Variants in EVC2 observed in about 807,000 individuals in gnomAD.
The protein encoded by EVC2 is EvC ciliary complex subunit 2, also known as limbin.
EVC2 carries 148 observed loss-of-function variants against 149.3 expected under a neutral mutation model. That is an observed-to-expected ratio of 0.99 (90% CI 0.87 to 1.14). The LOEUF (loss-of-function observed/expected upper bound fraction) is 1.14, where lower values mean the gene tolerates loss of function less well. EVC2 is among the 50% of genes most tolerant of loss of function. EVC2 has a pLI of 0.00. For missense variants in EVC2, 1,854 were observed against 1,627.3 expected (o/e 1.14, Z -2.40); for synonymous variants, 776 against 649.9 (o/e 1.19, Z -2.95).
intron 9 of EVC2, among the ~76,000 whole-genome samples, chr4:5,652,179 T>A (rs1242749708): frequency 6.6e-6 from 1 of 152,012 alleles, no homozygotes; most frequent in African/African-American, 2.4e-5. Flanking sequence ...AAGAAAGAAA[T>A]AGCAATGGCT....
intron 16 of EVC2, among the ~76,000 whole-genome samples, chr4:5,609,713 T>C (rs935260353): frequency 6.6e-6 from 1 of 152,192 alleles, no homozygotes; most frequent in Non-Finnish European, 1.5e-5. Context: ...CACCCTGCAT[T>C]GTGAAACCAT....
intron 6 of EVC2, 126 bp from the exon 7 acceptor site, chr4:5,681,439 A>G: frequency 1.0e-6 from 1 of 956,320 alleles, no homozygotes; most frequent in Non-Finnish European, 1.6e-6. Flanking sequence ...TGCACAGGTC[A>G]GAGCTTGTGA....
intron 9 of EVC2, among the ~76,000 whole-genome samples, chr4:5,649,817 T>A (rs1401862584): frequency 6.6e-6 from 1 of 152,202 alleles, no homozygotes; most frequent in East Asian, 1.9e-4. Context: ...CAGATAATAC[T>A]GCAAGATTCC....
chr4:5,582,284 C>A (rs1711864361), intron 17 of EVC2, among the ~76,000 whole-genome samples: 1 of 152,218 alleles, frequency 6.6e-6, no homozygotes, highest in Admixed American at 6.5e-5. Context: ...GGGCTAAATC[C>A]TCCAAAGTCA....
intron 9 of EVC2, among the ~76,000 whole-genome samples, chr4:5,648,002 C>T (rs998299941): frequency 1.3e-5 from 2 of 152,230 alleles, no homozygotes; most frequent in South Asian, 2.1e-4. Flanking sequence ...AGGAAGGGAA[C>T]GTCCCCTAAA....
Position 5,618,549 on chromosome 4 carries a change from G to T in EVC2, c.2635C>A (p.Gln879Lys). 1 of 1,614,162 alleles carries T rather than the reference G, an allele frequency of 6.2e-7. No homozygotes were observed. The highest frequency in any genetic ancestry group is 1.7e-5 in the Admixed American group (1 of 60,030). Residue 879 changes from glutamine (Q) to lysine (K), a missense_variant, in exon 15 of 22, where the codon CAA (glutamine) becomes AAA (lysine). Coordinates refer to ENST00000344408, the MANE Select transcript of EVC2 (RefSeq NM_147127.5). This position sits in a 1 kb window ranked among gnomAD's most constrained non-coding sequence, Gnocchi z 4.4. ...GCTTCTCGCCACGCAGTCTGAAATT[G>T]CTGCAGCAGAACTCGGGCCCGGATC... ...PKIRARVLLQ[Q>K]FQTAWREAEF...
rs1193563140 is a variant in EVC2, at chr4:5,576,447, T to G, written c.3065A>C (p.Gln1022Pro). ...QILESHSREL[Q>P]ELERKLEDQL... ...GTCCTCCAGCTTCCTCTCCAACTCC[T>G]GGAGCTCCTACACAAGGAAGGGGCA... Residue 1022 changes from glutamine (Q) to proline (P), a missense_variant, in exon 18 of 22, where the codon CAG becomes CCG. By Grantham distance (76) the Gln-to-Pro change is moderately conservative (BLOSUM62 -1). Coordinates refer to ENST00000344408, the MANE Select transcript of EVC2 (RefSeq NM_147127.5). The surrounding 1 kb of genome is among the most constrained non-coding windows in gnomAD (Gnocchi z 4.5). 6.3e-7 allele frequency: 1 copy of G among 1,595,878 alleles called. No individual in the cohort carries two copies. The highest frequency in any genetic ancestry group is 1.1e-5 in the South Asian group (1 of 89,220).
At chr4:5,649,420 AC>A (rs1354731721) in intron 9 of EVC2, among the ~76,000 whole-genome samples, 2 of 152,230 alleles carry the variant, frequency 1.3e-5, no homozygotes, top group Non-Finnish European at 2.9e-5. Flanking sequence ...GGGAAACAGT[AC>A]CGCTTAAATT....
chr4:5,588,866 T>C (rs969818453), intron 16 of EVC2, among the ~76,000 whole-genome samples: 6 of 152,200 alleles, frequency 3.9e-5, no homozygotes, highest in Non-Finnish European at 8.8e-5. Flanking sequence ...GTGTGAAAAA[T>C]CAGAACTTGG....
At position 5,637,611 on chromosome 4, in the gene EVC2, T is replaced by G. The variant is rs1196498610; in HGVS notation, c.1470+2903A>C. Among the ~76,000 whole-genome samples, 1 of 152,182 alleles carries G rather than the reference T, an allele frequency of 6.6e-6. No individual in the cohort carries two copies. The highest frequency in any genetic ancestry group is 2.4e-5 in the African/African-American group (1 of 41,440). Reference sequence around the variant, plus strand: ...AGTGAAAATAAGACATATATACAACTATACAAACTGCATAATCCTTACTTT... The same window carrying G: ...AGTGAAAATAAGACATATATACAACGATACAAACTGCATAATCCTTACTTT... On this transcript the variant is annotated intron_variant, in intron 10 of 21. Transcript: ENST00000344408. The surrounding 1 kb of genome is among the most constrained non-coding windows in gnomAD (Gnocchi z 4.4).
intron 9 of EVC2, among the ~76,000 whole-genome samples, chr4:5,653,783 G>A (rs927862758): frequency 1.3e-5 from 2 of 152,182 alleles, no homozygotes; most frequent in Admixed American, 6.5e-5. Flanking sequence ...ATCTAAAACT[G>A]TTCTAAAAAA....
chr4:5,564,478 A>G (rs1355800978), intron 21 of EVC2, among the ~76,000 whole-genome samples: 1 of 152,224 alleles, frequency 6.6e-6, no homozygotes, highest in Non-Finnish European at 1.5e-5. Flanking sequence ...GCGCTTTATC[A>G]TGAGTAATCT....
At chr4:5,644,085 A>G (rs1398581828) in intron 9 of EVC2, among the ~76,000 whole-genome samples, 1 of 152,028 alleles carries the variant, frequency 6.6e-6, no homozygotes, top group Non-Finnish European at 1.5e-5. Flanking sequence ...TTCCTTCTAC[A>G]GCATTGATGT....
chr4:5,567,177 G>A lies in EVC2; in HGVS notation c.3557+1267C>T, dbSNP rs1722337187. ...CCCCCTAACATGCAGCCAGCCCTCT[G>A]ACTGCGGTCCACAACCCACTTCCTG... On this transcript the variant is annotated intron_variant, in intron 20 of 21. Coordinates refer to ENST00000344408, the MANE Select transcript of EVC2 (RefSeq NM_147127.5). This position sits in a 1 kb window ranked among gnomAD's most constrained non-coding sequence, Gnocchi z 4.4. Among the ~76,000 whole-genome samples, 1 of 151,918 alleles carries A rather than the reference G, an allele frequency of 6.6e-6. No homozygotes were observed. Among genetic ancestry groups the A allele is most frequent in the Non-Finnish European group, 1.5e-5 (1 of 68,010 alleles).
chr4:5,687,786 G>C (rs1341391781), intron 5 of EVC2, among the ~76,000 whole-genome samples: 1 of 152,176 alleles, frequency 6.6e-6, no homozygotes, highest in Admixed American at 6.5e-5. Context: ...GGGGAAATGA[G>C]ATGAGAGACG....
intron 7 of EVC2, among the ~76,000 whole-genome samples, chr4:5,669,001 A>C (rs1719457703): frequency 6.6e-6 from 1 of 152,234 alleles, no homozygotes. Flanking sequence ...ATTTGTAGAC[A>C]CACACAGAAA....
chr4:5,655,030 C>T (rs952962817), intron 9 of EVC2, among the ~76,000 whole-genome samples: 2 of 152,198 alleles, frequency 1.3e-5, no homozygotes, highest in Non-Finnish European at 2.9e-5. Flanking sequence ...AGAGCACAGT[C>T]AACACTTGCC....
At chr4:5,689,795 TC>T (rs1720986144) in intron 4 of EVC2, among the ~76,000 whole-genome samples, 1 of 152,180 alleles carries the variant, frequency 6.6e-6, no homozygotes, top group African/African-American at 2.4e-5. Flanking sequence ...TTGGATCATC[TC>T]CCACATTCAG....
rs372489125 is a variant in EVC2, at chr4:5,650,786, T to C, written c.1146-9948A>G. On this transcript the variant is annotated intron_variant, in intron 9 of 21. Coordinates refer to ENST00000344408, the MANE Select transcript of EVC2 (RefSeq NM_147127.5). ...TACCTTTTTCAAAGTCATATAACTA[T>C]TAAATGACAGAACTGGGATTTGAAC... is the stretch of plus-strand genomic sequence containing the variant. Among the ~76,000 whole-genome samples, 37 of 152,106 alleles carry C rather than the reference T, an allele frequency of 2.4e-4. 1 individual carries two copies. In the Middle Eastern group the frequency reaches 0.024, roughly 98 times the overall value.
Sources: gnomAD v4.1 joint callset for allele counts (sites outside exome capture counted in the v4.1 genomes callset) on GRCh38, gnomAD v4.1.1 for gene constraint, Gnocchi (gnomAD v3.1) non-coding constraint, MANE v1.5 for transcripts, NCBI Gene and HGNC (gene_info 2026-07-23, HGNC 2026-07-21) for gene names.